OTOGL: variants seen among roughly 807,000 people sequenced by gnomAD.
The protein encoded by OTOGL is otogelin-like protein.
In OTOGL, 285 loss-of-function variants were observed where a neutral mutation model predicts 318.5. The observed-to-expected ratio is 0.89, with a 90% CI of 0.81 to 0.99. OTOGL has a LOEUF of 0.99. Among genes scored for constraint, OTOGL ranks in the 50% least tolerant of loss-of-function variants. The pLI, the probability that OTOGL is intolerant of heterozygous loss-of-function variation, is 0.00. For missense variants in OTOGL, 2,899 were observed against 2,845.6 expected (o/e 1.02, Z -0.43); for synonymous variants, 987 against 936.5 (o/e 1.05, Z -0.99).
chr12:80,196,270 A>G (rs1045092546), intron 1 of OTOGL, among the ~76,000 whole-genome samples: 6 of 152,048 alleles, frequency 3.9e-5, no homozygotes, highest in Admixed American at 1.3e-4. Context: ...AGTCAATGCA[A>G]TTTTTCCCAG....
rs78342113 is a variant in OTOGL at position 80,235,722 on chromosome 12, C to T, written c.817+2625C>T. On this transcript the variant is annotated intron_variant, in intron 9 of 58. Coordinates refer to ENST00000547103, the MANE Select transcript of OTOGL (RefSeq NM_001378609.3). ...CTGCCAGAGGAAGACTGGCAGAAGG[C>T]AATTGAACGGAATTATAGCTGAACT... is the stretch of plus-strand genomic sequence containing the variant. Among the ~76,000 whole-genome samples, 4 of 152,084 alleles carry T rather than the reference C, an allele frequency of 2.6e-5. No individual in the cohort carries two copies. The East Asian group carries it at 7.7e-4, about 29-fold the overall frequency.
chr12:80,126,686 T>G (rs1316786123), intron 1 of OTOGL, among the ~76,000 whole-genome samples: 1 of 152,226 alleles, frequency 6.6e-6, no homozygotes, highest in Non-Finnish European at 1.5e-5. Flanking sequence ...AGCCTCTTTG[T>G]AGGTCTCTAA....
intron 27 of OTOGL, among the ~76,000 whole-genome samples, chr12:80,300,535 G>A (rs1271683770): frequency 1.3e-5 from 2 of 152,070 alleles, no homozygotes; most frequent in African/African-American, 4.8e-5. Context: ...CGAATTCACA[G>A]GTAAAATTAG....
chr12:80,282,759 T>C (rs1248567962), intron 26 of OTOGL, among the ~76,000 whole-genome samples: 1 of 151,940 alleles, frequency 6.6e-6, no homozygotes, highest in African/African-American at 2.4e-5. Flanking sequence ...TTCAGGTTGA[T>C]TTTATATAAA....
At chr12:80,112,508 G>A (rs549054661) in intron 1 of OTOGL, among the ~76,000 whole-genome samples, 16 of 152,188 alleles carry the variant, frequency 1.1e-4, no homozygotes, top group African/African-American at 3.6e-4. Flanking sequence ...TAATCATGTG[G>A]TTTTTATCAT....
intron 9 of OTOGL, among the ~76,000 whole-genome samples, chr12:80,236,941 A>G (rs1879917349): frequency 6.7e-6 from 1 of 149,846 alleles, no homozygotes; most frequent in Non-Finnish European, 1.5e-5. Context: ...CAGCCTCCTG[A>G]GTAGCTGGGA....
intron 18 of OTOGL, among the ~76,000 whole-genome samples, chr12:80,259,625 A>G (rs1465954097): frequency 6.6e-6 from 1 of 151,874 alleles, no homozygotes; most frequent in Non-Finnish European, 1.5e-5. Flanking sequence ...GAGTGAGAAC[A>G]TGCGGTGATT....
intron 26 of OTOGL, among the ~76,000 whole-genome samples, chr12:80,295,156 A>ATTTTTT: frequency 1.3e-5 from 1 of 78,208 alleles, no homozygotes; most frequent in Non-Finnish European, 2.2e-5. Context: ...TGATTGCCGA[A>ATTTTTT]CTTTTTTTTT....
At chr12:80,281,002 A>G (rs902585888) in intron 26 of OTOGL, among the ~76,000 whole-genome samples, 1 of 151,524 alleles carries the variant, frequency 6.6e-6, no homozygotes, top group African/African-American at 2.4e-5. Context: ...CAGCTTGAAC[A>G]CTATTGGTGT....
chr12:80,178,066 T>C (rs1198210739), intron 1 of OTOGL, among the ~76,000 whole-genome samples: 18 of 133,290 alleles, frequency 1.4e-4, no homozygotes, highest in East Asian at 4.1e-4. Context: ...TCTTTCTTTT[T>C]TTTTTTTTTT....
chr12:80,272,871 G>A (rs1883523004), intron 24 of OTOGL, among the ~76,000 whole-genome samples: 1 of 152,040 alleles, frequency 6.6e-6, no homozygotes, highest in Non-Finnish European at 1.5e-5. Context: ...GGAAAATAAA[G>A]ACAGGTAGAA....
chr12:80,202,208 G>C (rs1876503784), intron 1 of OTOGL, among the ~76,000 whole-genome samples: 1 of 151,802 alleles, frequency 6.6e-6, no homozygotes, highest in African/African-American at 2.4e-5. Context: ...CTTCATTTCT[G>C]TTCCCGTTCG....
chr12:80,193,072 G>A (rs1274390317), intron 1 of OTOGL, among the ~76,000 whole-genome samples: 1 of 152,016 alleles, frequency 6.6e-6, no homozygotes, highest in East Asian at 1.9e-4. Flanking sequence ...TCTAGATTAG[G>A]CTCCCTAAGT....
intron 4 of OTOGL, among the ~76,000 whole-genome samples, chr12:80,215,663 A>T (rs1157209423): frequency 6.6e-6 from 1 of 152,208 alleles, no homozygotes; most frequent in Non-Finnish European, 1.5e-5. Flanking sequence ...AGAAGTCATT[A>T]TACACTTTTA....
intron 5 of OTOGL, among the ~76,000 whole-genome samples, chr12:80,218,047 A>G (rs934027234): frequency 1.3e-5 from 2 of 152,204 alleles, no homozygotes; most frequent in African/African-American, 4.8e-5. Flanking sequence ...AGAAACTATC[A>G]CTGTTGTGTT....
At chr12:80,149,559 A>G (rs1446210601) in intron 1 of OTOGL, among the ~76,000 whole-genome samples, 1 of 152,108 alleles carries the variant, frequency 6.6e-6, no homozygotes, top group Non-Finnish European at 1.5e-5. Context: ...GAGCCTACAG[A>G]GGCAGGCAGG....
In OTOGL at chr12:80,368,326, G is replaced by A. The variant is rs1890678408; in HGVS notation, c.6615+17G>A. On this transcript the variant is annotated intron_variant, in intron 55 of 58. Coordinates refer to ENST00000547103, the MANE Select transcript of OTOGL (RefSeq NM_001378609.3). ...GTATACGCGGTATGTTTCATGGAGAGTAATGCTCTGTGCTATTTTCTGAAG... is the reference window on the plus strand; with the variant it reads ...GTATACGCGGTATGTTTCATGGAGAATAATGCTCTGTGCTATTTTCTGAAG... 1 of 1,531,094 alleles carries A rather than the reference G, an allele frequency of 6.5e-7. No homozygotes were observed. The highest frequency in any genetic ancestry group is 8.9e-7 in the Non-Finnish European group (1 of 1,122,478). The allele number at this position is 1,531,094 out of a possible 1,614,324, so 94.8% of individuals were successfully genotyped here.
chr12:80,219,162 A>C (rs1878038937), intron 5 of OTOGL, among the ~76,000 whole-genome samples: 1 of 151,938 alleles, frequency 6.6e-6, no homozygotes, highest in Non-Finnish European at 1.5e-5. Context: ...CCCAGCCTGG[A>C]GTGCAATGGC....
intron 58 of OTOGL, 70 bp from the exon 59 acceptor site, chr12:80,377,778 T>C (rs553234592): frequency 3.4e-6 from 4 of 1,189,586 alleles, no homozygotes; most frequent in East Asian, 2.5e-5. Context: ...CAGATTTTCT[T>C]AGTGGAATCA....
Sources: gnomAD v4.1 joint callset for allele counts (sites outside exome capture counted in the v4.1 genomes callset) on GRCh38, gnomAD v4.1.1 for gene constraint, MANE v1.5 for transcripts, NCBI Gene and HGNC (gene_info 2026-07-23, HGNC 2026-07-21) for gene names.